The following SPRY3 variants were observed in gnomAD, a reference collection of about 807,000 sequenced individuals.
The protein encoded by SPRY3 is sprouty RTK signaling antagonist 3, also known as protein sprouty homolog 3.
In SPRY3, 15 loss-of-function variants were observed where a neutral mutation model predicts 20.2. The observed-to-expected ratio is 0.74, with a 90% confidence interval of 0.50 to 1.14. SPRY3 has a LOEUF of 1.14. Among genes scored for constraint, SPRY3 ranks in the 50% most tolerant of loss-of-function variants. SPRY3 has a pLI of 0.00. For synonymous variants in SPRY3, 143 were observed against 136.5 expected (o/e 1.05, Z -0.33); for missense variants, 364 against 363.9 (o/e 1.00, Z 0.00).
intron 2 of SPRY3, among the ~76,000 whole-genome samples, chrX:155,755,217 C>G: frequency 6.6e-6 from 1 of 152,104 alleles, no homozygotes; most frequent in East Asian, 1.9e-4. Context: ...GTGAACACAT[C>G]CCAGTTTAAT....
chrX:155,722,984 C>T, intron 2 of SPRY3, among the ~76,000 whole-genome samples: 1 of 150,986 alleles, frequency 6.6e-6, no homozygotes, highest in African/African-American at 2.4e-5. Flanking sequence ...GCCCTGTGTC[C>T]AAGTGTTCTC....
intron 1 of SPRY3, among the ~76,000 whole-genome samples, chrX:155,649,323 A>C (rs1302613452): frequency 1.8e-5 from 2 of 111,821 alleles, no homozygotes; most frequent in Non-Finnish European, 3.8e-5. Flanking sequence ...CAAAAAAAGA[A>C]AATTTCAGGC....
chrX:155,717,402 A>G (rs910351119), intron 2 of SPRY3, among the ~76,000 whole-genome samples: 2 of 151,974 alleles, frequency 1.3e-5, no homozygotes, highest in East Asian at 3.9e-4. Context: ...TACCTTTTTA[A>G]AAATACTTTA....
intron 2 of SPRY3, among the ~76,000 whole-genome samples, chrX:155,726,468 A>G (rs1180407633): frequency 6.6e-6 from 1 of 151,902 alleles, no homozygotes; most frequent in Non-Finnish European, 1.5e-5. Flanking sequence ...CTCTTTGTAG[A>G]TCTCTAAGGA....
intron 2 of SPRY3, among the ~76,000 whole-genome samples, chrX:155,729,276 C>T (rs369042906): frequency 7.6e-4 from 116 of 152,122 alleles, no homozygotes; most frequent in African/African-American, 2.6e-3. Flanking sequence ...TTCCTTAGCA[C>T]GTGGATCATT....
chrX:155,730,989 T>G (rs762769660), intron 2 of SPRY3, among the ~76,000 whole-genome samples: 2 of 151,902 alleles, frequency 1.3e-5, no homozygotes, highest in South Asian at 4.2e-4. Context: ...CTATAAAATA[T>G]TGATGAAAGA....
At chrX:155,749,223 A>T (rs1038523244) in intron 2 of SPRY3, among the ~76,000 whole-genome samples, 1 of 151,960 alleles carries the variant, frequency 6.6e-6, no homozygotes, top group Non-Finnish European at 1.5e-5. Flanking sequence ...AGTGGTAACT[A>T]TGTGTTGGTT....
chrX:155,630,211 A>G (rs1336604541), intron 1 of SPRY3, among the ~76,000 whole-genome samples: 1 of 112,194 alleles, frequency 8.9e-6, no homozygotes, highest in East Asian at 2.8e-4. Context: ...TAGTTATTAT[A>G]TTTGATAATT....
chrX:155,731,788 A>G (rs1192191842), intron 2 of SPRY3, among the ~76,000 whole-genome samples: 1 of 152,070 alleles, frequency 6.6e-6, no homozygotes, highest in South Asian at 2.1e-4. Flanking sequence ...CAGAATATAT[A>G]AAGAGTTCCA....
At chrX:155,660,307 A>G (rs2068005883) in intron 2 of SPRY3, among the ~76,000 whole-genome samples, 1 of 111,891 alleles carries the variant, frequency 8.9e-6, no homozygotes, top group South Asian at 3.7e-4. Flanking sequence ...CAGATTGTTT[A>G]ATTTTCATTT....
At chrX:155,767,921 T>TTTG (rs1246407553) in intron 2 of SPRY3, 41 bp from the exon 2 acceptor site, 2 of 128,920 alleles carry the variant, frequency 1.6e-5, no homozygotes, top group African/African-American at 5.0e-5. Flanking sequence ...TTTGTTTTGT[T>TTTG]TTGTTTTGTT....
chrX:155,704,820 T>C (rs983940096), intron 2 of SPRY3, among the ~76,000 whole-genome samples: 3 of 151,582 alleles, frequency 2.0e-5, no homozygotes, highest in African/African-American at 7.3e-5. Flanking sequence ...CAGCAGACTA[T>C]TTGTCATAAG....
intron 2 of SPRY3, among the ~76,000 whole-genome samples, chrX:155,708,062 C>G (rs1398274260): frequency 6.6e-6 from 1 of 150,870 alleles, no homozygotes. Context: ...GTTTTTAATT[C>G]TATTTTTGAG....
At chrX:155,773,314 A>T (rs1355253474) in intron 3 of SPRY3, among the ~76,000 whole-genome samples, 1 of 137,182 alleles carries the variant, frequency 7.3e-6, no homozygotes, top group Admixed American at 7.1e-5. Context: ...TTGGATATAT[A>T]TATATATATA....
In SPRY3 at chrX:155,770,995, C is replaced by T. The variant is rs148546699; in HGVS notation, c.-106-2771C>T. Among the ~76,000 whole-genome samples the T allele has an allele frequency of 4.6e-3, 701 of 152,248 alleles. 9 individuals are homozygous for T. The highest frequency in any genetic ancestry group is 0.016 in the African/African-American group (667 of 41,552). The stretch of plus-strand genomic sequence containing the variant: ...CTGTCCACTTACTGCAGGTCTCCCA[C>T]ATTAGATCCCAGAGTCCATTTGAAT... On this transcript the variant is annotated intron_variant, in intron 3 of 3. Transcript: ENST00000675360.
At chrX:155,776,545 A>T (rs1207173150) in exon 4 of SPRY3, 1 of 167,128 alleles carries the variant, frequency 6.0e-6, no homozygotes, top group African/African-American at 2.4e-5. Flanking sequence ...CTGCTAAAAG[A>T]CACAAGAATT....
intron 2 of SPRY3, among the ~76,000 whole-genome samples, chrX:155,727,347 C>A (rs1389458376): frequency 1.3e-5 from 2 of 152,090 alleles, no homozygotes; most frequent in African/African-American, 4.8e-5. Flanking sequence ...TGAATGTTGG[C>A]CTGCCTTCCT....
At chrX:155,647,044 G>A (rs1240935157) in intron 1 of SPRY3, among the ~76,000 whole-genome samples, 2 of 111,738 alleles carry the variant, frequency 1.8e-5, no homozygotes, top group Admixed American at 1.9e-4. Context: ...CCTCTGTTGA[G>A]ATGATCGTAT....
At chrX:155,613,093 T>C (rs1557348547) in intron 1 of SPRY3, among the ~76,000 whole-genome samples, 1 of 111,897 alleles carries the variant, frequency 8.9e-6, no homozygotes. Flanking sequence ...GTGAACATAC[T>C]TGAAGCTATA....
Sources: allele counts gnomAD v4.1 joint callset (sites outside exome capture counted in the v4.1 genomes callset), GRCh38; gene constraint gnomAD v4.1.1; transcripts MANE v1.5; gene names NCBI Gene and HGNC (gene_info 2026-07-23, HGNC 2026-07-21).